MYO5B: variants seen among roughly 807,000 people sequenced by gnomAD.
The protein encoded by MYO5B is unconventional myosin-Vb.
In MYO5B, 143 loss-of-function variants were observed where a neutral mutation model predicts 229.3. That is an observed-to-expected ratio of 0.62 (90% confidence interval 0.54 to 0.72). The LOEUF is 0.72. Ranked by LOEUF, MYO5B falls within the 30% of genes least tolerant of loss-of-function variation. The pLI, the probability that MYO5B is intolerant of heterozygous loss-of-function variation, is 0.00. For synonymous variants in MYO5B, 918 were observed against 885.2 expected (o/e 1.04, Z -0.66); for missense variants, 2,321 against 2,331.0 (o/e 1.00, Z 0.09).
rs537898862 is a variant in MYO5B at position 50,007,077 on chromosome 18, G to A, written c.456-5666C>T. Among the ~76,000 whole-genome samples the A allele has an allele frequency of 2.0e-5, 3 of 152,242 alleles. No homozygotes were observed. In the East Asian group the frequency reaches 5.8e-4, roughly 29 times the overall value. On this transcript the variant is annotated intron_variant, in intron 4 of 39. Transcript: ENST00000285039. Reference sequence around the variant, plus strand: ...GCTGCAGACTTGGGTGGCACCCGTGGTATCCTCCCTCCTCAAACACCAGGT... The same window carrying A: ...GCTGCAGACTTGGGTGGCACCCGTGATATCCTCCCTCCTCAAACACCAGGT...
chr18:50,091,944 G>A (rs1391983406), intron 1 of MYO5B, among the ~76,000 whole-genome samples: 1 of 152,188 alleles, frequency 6.6e-6, no homozygotes, highest in East Asian at 1.9e-4. Context: ...GAGAAACAGG[G>A]ACAAATGTGA....
chr18:49,867,424 T>C (rs916375307), intron 27 of MYO5B, among the ~76,000 whole-genome samples: 1 of 151,992 alleles, frequency 6.6e-6, no homozygotes, highest in African/African-American at 2.4e-5. Flanking sequence ...AGTATGTTGG[T>C]GAGGACTGAA....
intron 10 of MYO5B, 85 bp from the exon 11 acceptor site, chr18:49,963,115 T>A: frequency 9.6e-7 from 1 of 1,040,190 alleles, no homozygotes; most frequent in South Asian, 1.3e-5. Context: ...CTGACCCAGG[T>A]CTCCCCCGAT....
chr18:50,011,592 G>A (rs2026161274), intron 4 of MYO5B, among the ~76,000 whole-genome samples: 1 of 152,046 alleles, frequency 6.6e-6, no homozygotes, highest in Non-Finnish European at 1.5e-5. Flanking sequence ...TCAGCAATGA[G>A]CAGGGAATCT....
intron 1 of MYO5B, among the ~76,000 whole-genome samples, chr18:50,184,785 T>TC (rs1390847878): frequency 6.6e-6 from 1 of 151,940 alleles, no homozygotes. Context: ...ATGCCTATAA[T>TC]CCCAGCACTT....
intron 1 of MYO5B, among the ~76,000 whole-genome samples, chr18:50,073,588 C>A (rs992586493): frequency 2.0e-4 from 31 of 152,204 alleles, no homozygotes; most frequent in African/African-American, 7.2e-4. Context: ...TCTTGTCCAG[C>A]CACATGGCTG....
chr18:50,105,437 C>T (rs2031740016), intron 1 of MYO5B, among the ~76,000 whole-genome samples: 1 of 151,950 alleles, frequency 6.6e-6, no homozygotes, highest in Non-Finnish European at 1.5e-5. Flanking sequence ...AATGCTTCTT[C>T]CCTAACCTGT....
At chr18:50,075,795 G>A (rs990512583) in intron 1 of MYO5B, among the ~76,000 whole-genome samples, 1 of 152,248 alleles carries the variant, frequency 6.6e-6, no homozygotes, top group African/African-American at 2.4e-5. Flanking sequence ...TCTAACAGGA[G>A]CATGGAGCCA....
rs1358998598 is a variant in MYO5B, at chr18:49,953,249, A to C, written c.1752+11T>G. On this transcript the variant is annotated intron_variant, in intron 14 of 39. Coordinates refer to ENST00000285039, the MANE Select transcript of MYO5B (RefSeq NM_001080467.3). Reference sequence around the variant, plus strand: ...ATTCCTGCTCCACTCCCCACTTCTGACACTCTTTACCTTGCTGGCCTTCAG... The same window carrying C: ...ATTCCTGCTCCACTCCCCACTTCTGCCACTCTTTACCTTGCTGGCCTTCAG... 2.5e-6 allele frequency: 4 copies of C among 1,613,028 alleles called. No homozygotes were observed. The highest frequency in any genetic ancestry group is 3.4e-6 in the Non-Finnish European group (4 of 1,179,318).
At position 49,936,264 on chromosome 18, in the gene MYO5B, T is replaced by A; in HGVS notation, c.1991A>T (p.Lys664Met). 6.3e-7 allele frequency: 1 copy of A among 1,596,490 alleles called. No individual in the cohort carries two copies. Among genetic ancestry groups the A allele is most frequent in the Middle Eastern group, 1.7e-4 (1 of 6,040 alleles). ...AGCAGGCACTTACTGAAAGGGGAGC[T>A]TCTCATCGTTGGGCTTGATGCAGCG... is the stretch of plus-strand genomic sequence containing the variant. ...YVRCIKPNDE[K>M]LPFHFDPKRA... Residue 664 changes from lysine to methionine, a missense_variant, in exon 16 of 40, where the codon AAG becomes ATG. Physicochemically the swap from Lys to Met is moderately conservative, Grantham distance 95. Transcript: ENST00000285039.
chr18:49,991,456 A>G (rs1324254852), intron 6 of MYO5B, among the ~76,000 whole-genome samples: 1 of 152,142 alleles, frequency 6.6e-6, no homozygotes, highest in African/African-American at 2.4e-5. Flanking sequence ...GAGCTGGAGG[A>G]GGACTTCTAT....
At chr18:49,859,991 C>A (rs1048254823) in intron 29 of MYO5B, among the ~76,000 whole-genome samples, 1 of 151,948 alleles carries the variant, frequency 6.6e-6, no homozygotes, top group Non-Finnish European at 1.5e-5. Flanking sequence ...TGGCGGGGGG[C>A]GGCGGGTGTG....
At chr18:50,095,130 G>A (rs72917855) in intron 1 of MYO5B, among the ~76,000 whole-genome samples, 20,152 of 152,146 alleles carry the variant, frequency 0.13, 1,439 homozygotes, top group East Asian at 0.23. Context: ...ACAACTGGCC[G>A]AAATCCATCA....
chr18:50,023,554 C>T (rs532828455), intron 4 of MYO5B, among the ~76,000 whole-genome samples: 5 of 152,182 alleles, frequency 3.3e-5, no homozygotes, highest in East Asian at 1.9e-4. Flanking sequence ...GGCTCAATTA[C>T]GGAAGCCACA....
At chr18:49,968,068 T>C (rs2025646679) in intron 10 of MYO5B, among the ~76,000 whole-genome samples, 1 of 152,144 alleles carries the variant, frequency 6.6e-6, no homozygotes, top group South Asian at 2.1e-4. Context: ...TCCCAAACTA[T>C]GAAGGCTGTA....
chr18:49,888,230 C>T (rs1160567350), intron 22 of MYO5B, among the ~76,000 whole-genome samples: 1 of 152,128 alleles, frequency 6.6e-6, no homozygotes, highest in Non-Finnish European at 1.5e-5. Flanking sequence ...GCATCCCTGG[C>T]TTCTACCCAC....
At chr18:50,115,531 CACACACACACAGAGAG>C (rs1227546690) in intron 1 of MYO5B, among the ~76,000 whole-genome samples, 1 of 66,486 alleles carries the variant, frequency 1.5e-5, no homozygotes, top group East Asian at 3.8e-4. Flanking sequence ...AAAACACACA[CACACACACACAGAGAG>C]ACACACACAC....
chr18:50,043,726 C>G (rs2030139551), intron 2 of MYO5B, among the ~76,000 whole-genome samples: 1 of 143,620 alleles, frequency 7.0e-6, no homozygotes, highest in Non-Finnish European at 1.5e-5. Context: ...TATTACTCAG[C>G]CATAAAAAGG....
chr18:50,054,759 T>C (rs1201589009), intron 2 of MYO5B, among the ~76,000 whole-genome samples: 2 of 152,200 alleles, frequency 1.3e-5, no homozygotes, highest in Non-Finnish European at 2.9e-5. Flanking sequence ...TTTAAGTACT[T>C]GCCACATATT....
Sources: gnomAD v4.1 joint callset for allele counts (sites outside exome capture counted in the v4.1 genomes callset) on GRCh38, gnomAD v4.1.1 for gene constraint, MANE v1.5 for transcripts, NCBI Gene and HGNC (gene_info 2026-07-23, HGNC 2026-07-21) for gene names.